Variants in STAT1 observed in about 807,000 individuals in gnomAD.
STAT1 encodes the protein signal transducer and activator of transcription 1-alpha/beta.
A neutral mutation model predicts 111.7 loss-of-function variants in STAT1; 24 were observed. The ratio of observed to expected loss-of-function variants is 0.21; its 90% confidence interval spans 0.16 to 0.30. The LOEUF (loss-of-function observed/expected upper bound fraction) is 0.30. Ranked by LOEUF, STAT1 falls within the 10% of genes least tolerant of loss-of-function variation. STAT1 has a pLI of 1.00. For synonymous variants in STAT1, 332 were observed against 326.5 expected (o/e 1.02, Z -0.18); for missense variants, 351 against 911.9 (o/e 0.38, Z 7.92).
chr2:190,987,127 C>T lies in STAT1; in HGVS notation c.1098-59G>A. 1 of 1,293,916 alleles carries T rather than the reference C, an allele frequency of 7.7e-7. No homozygotes were observed. The highest frequency in any genetic ancestry group is 1.1e-6 in the Non-Finnish European group (1 of 894,702). The allele number at this position is 1,293,916 out of a possible 1,614,324, so 80.2% of individuals were successfully genotyped here. ...ATTTAAAATTTGAAATAAGCTTTAA[C>T]AAAATTATAAGAGTATAAGAGCATA... On this transcript the variant is annotated intron_variant, in intron 12 of 24. Coordinates refer to ENST00000361099, the MANE Select transcript of STAT1 (RefSeq NM_007315.4). The surrounding 1 kb of genome is among the most constrained non-coding windows in gnomAD (Gnocchi z 4.0).
At chr2:190,985,374 C>A (rs139718116) in intron 15 of STAT1, among the ~76,000 whole-genome samples, 26 of 152,242 alleles carry the variant, frequency 1.7e-4, no homozygotes, top group Admixed American at 1.7e-3. Flanking sequence ...AAGCCCACAA[C>A]AGCTACTCCA....
rs1372417290 is a variant in STAT1, at chr2:190,986,242, A to G, written c.1222-582T>C. On this transcript the variant is annotated intron_variant, in intron 14 of 24. Transcript: ENST00000361099. The surrounding 1 kb of genome is among the most constrained non-coding windows in gnomAD (Gnocchi z 5.0). ...AAAAAGGATGCCTTTAACCTCCTGC[A>G]GGTTCTGGGCCCAGGGAAAGCTTCG... Among the ~76,000 whole-genome samples, 3 of 152,192 alleles carry G rather than the reference A, an allele frequency of 2.0e-5. No homozygotes were observed. Among genetic ancestry groups the G allele is most frequent in the Admixed American group, 6.5e-5 (1 of 15,286 alleles).
chr2:191,011,414 G>C (rs967521370), intron 2 of STAT1, among the ~76,000 whole-genome samples: 1 of 151,562 alleles, frequency 6.6e-6, no homozygotes, highest in African/African-American at 2.4e-5. Flanking sequence ...CTATCAACAA[G>C]GTGTGTGTGT....
rs1691958409 is a variant in STAT1 at position 190,977,027 on chromosome 2, T to TA, written c.1874-3dup. 6.2e-7 allele frequency: 1 copy of TA among 1,614,000 alleles called. No homozygotes were observed. ...GTTCAACCGCATGGAAGTCAGGTTC[T>TA]AAAAAGGAGAAAAGCTAAGTAAATC... On this transcript the variant is annotated splice_polypyrimidine_tract_variant and splice_region_variant and intron_variant, in intron 21 of 24. Transcript: ENST00000361099. The surrounding 1 kb of genome is among the most constrained non-coding windows in gnomAD (Gnocchi z 4.7).
chr2:190,992,768 C>A, intron 10 of STAT1: 1 of 672,312 alleles, frequency 1.5e-6, no homozygotes, highest in Middle Eastern at 3.0e-4. Flanking sequence ...TCATGGAACA[C>A]AGTTCTACAT....
At chr2:190,988,634 C>T (rs561567564) in intron 12 of STAT1, among the ~76,000 whole-genome samples, 73 of 152,270 alleles carry the variant, frequency 4.8e-4, no homozygotes, top group African/African-American at 1.8e-3. Context: ...CTGCCTTGGC[C>T]TCCCAAAGTG....
Position 191,000,578 on chromosome 2 carries a change from T to C in STAT1, c.462+496A>G, listed in dbSNP as rs1463404627. Among the ~76,000 whole-genome samples, 1 of 152,228 alleles carries C rather than the reference T, an allele frequency of 6.6e-6. No homozygotes were observed. Among genetic ancestry groups the C allele is most frequent in the Non-Finnish European group, 1.5e-5 (1 of 68,030 alleles). On this transcript the variant is annotated intron_variant, in intron 6 of 24. Coordinates refer to ENST00000361099, the MANE Select transcript of STAT1 (RefSeq NM_007315.4). The surrounding 1 kb of genome is among the most constrained non-coding windows in gnomAD (Gnocchi z 4.8). The stretch of plus-strand genomic sequence containing the variant: ...CATCGAGGACGCCAGAGCAGCCCTC[T>C]GCTTCCATAAATTGACTTGGAAGTT...
At chr2:190,992,528 G>T (rs1693454785) in intron 10 of STAT1, 1 of 312,500 alleles carries the variant, frequency 3.2e-6, no homozygotes, top group Non-Finnish European at 5.7e-6. Context: ...TGTGGATATG[G>T]TAAGAATCTG....
Position 190,987,087 on chromosome 2 carries a change from T to C in STAT1, c.1098-19A>G, listed in dbSNP as rs112684142. The C allele has an allele frequency of 6.5e-5, 102 of 1,571,962 alleles. No individual in the cohort carries two copies. In the African/African-American group the frequency reaches 9.7e-4, roughly 15 times the overall value. ...CACATCTCTGCAAAAAAAATATATATAATCACATATGCGTATTTAAAATTT... is the reference window on the plus strand; with the variant it reads ...CACATCTCTGCAAAAAAAATATATACAATCACATATGCGTATTTAAAATTT... On this transcript the variant is annotated intron_variant, in intron 12 of 24. Transcript: ENST00000361099. The surrounding 1 kb of genome is among the most constrained non-coding windows in gnomAD (Gnocchi z 4.0).
rs45620833 is a variant in STAT1, at chr2:190,973,372, G to C, written c.2238+1458C>G. On this transcript the variant is annotated intron_variant, in intron 24 of 24. Transcript: ENST00000361099. The surrounding 1 kb of genome is among the most constrained non-coding windows in gnomAD (Gnocchi z 4.4). ...GGGCTGTGTGGGGAGGAGGGGCTCTGTTCCCACATCTGTCAAAGTAGGAAT... is the reference window on the plus strand; with the variant it reads ...GGGCTGTGTGGGGAGGAGGGGCTCTCTTCCCACATCTGTCAAAGTAGGAAT... Among the ~76,000 whole-genome samples, 3 of 152,168 alleles carry C rather than the reference G, an allele frequency of 2.0e-5. No individual in the cohort carries two copies. Among genetic ancestry groups the C allele is most frequent in the Non-Finnish European group, 4.4e-5 (3 of 68,042 alleles).
intron 5 of STAT1, among the ~76,000 whole-genome samples, chr2:191,001,737 G>GGA (rs1388221004): frequency 1.3e-5 from 2 of 152,036 alleles, no homozygotes; most frequent in African/African-American, 4.8e-5. Context: ...GACTTGCCTG[G>GGA]GAGTATTCAG....
rs79698112 is a variant in STAT1 at position 190,998,692 on chromosome 2, C to CA, written c.542-385dup. ...AAAAACAAAAAAAACAAAAAAAAAACAAAAAAAACTTGTTTTCAGTGACCC... is the reference window on the plus strand; with the variant it reads ...AAAAACAAAAAAAACAAAAAAAAAACAAAAAAAAACTTGTTTTCAGTGACCC... On this transcript the variant is annotated intron_variant, in intron 7 of 24. Coordinates refer to ENST00000361099, the MANE Select transcript of STAT1 (RefSeq NM_007315.4). The surrounding 1 kb of genome is among the most constrained non-coding windows in gnomAD (Gnocchi z 4.1). Among the ~76,000 whole-genome samples, 21 of 148,290 alleles carry CA rather than the reference C, an allele frequency of 1.4e-4. No individual in the cohort carries two copies. In the South Asian group the frequency reaches 2.8e-3, roughly 20 times the overall value.
chr2:190,984,857 A>C lies in STAT1; in HGVS notation c.1264-464T>G, dbSNP rs1345493962. On this transcript the variant is annotated intron_variant, in intron 15 of 24. Coordinates refer to ENST00000361099, the MANE Select transcript of STAT1 (RefSeq NM_007315.4). The surrounding 1 kb of genome is among the most constrained non-coding windows in gnomAD (Gnocchi z 5.2). Reference sequence around the variant, plus strand: ...GTTTCGGTAGAAATGGATAGATTTCAAAGTGCCTTCATAAGCATTACCTCA... The same window carrying C: ...GTTTCGGTAGAAATGGATAGATTTCCAAGTGCCTTCATAAGCATTACCTCA... Among the ~76,000 whole-genome samples the C allele has an allele frequency of 6.6e-6, 1 of 152,238 alleles. No individual in the cohort carries two copies. The highest frequency in any genetic ancestry group is 1.5e-5 in the Non-Finnish European group (1 of 68,046).
rs41371944 is a variant in STAT1, at chr2:190,980,019, T to C, written c.1633-153A>G. Among the ~76,000 whole-genome samples, 4,146 of 152,252 alleles carry C rather than the reference T, an allele frequency of 0.027. 100 individuals carry two copies. Among genetic ancestry groups the C allele is most frequent in the South Asian group, 0.099 (478 of 4,808 alleles). On this transcript the variant is annotated intron_variant, in intron 19 of 24. Transcript: ENST00000361099. This position sits in a 1 kb window ranked among gnomAD's most constrained non-coding sequence, Gnocchi z 6.1. Reference sequence around the variant, plus strand: ...ATGGGATCCCTCCCCTGGCAGGGAATATCAAGTTCCCTCCCCGCTCTTATC... The same window carrying C: ...ATGGGATCCCTCCCCTGGCAGGGAACATCAAGTTCCCTCCCCGCTCTTATC...
In STAT1 at chr2:190,993,619, G is replaced by A; in HGVS notation, c.944+1442C>T. On this transcript the variant is annotated intron_variant, in intron 10 of 24. Transcript: ENST00000361099. The surrounding 1 kb of genome is among the most constrained non-coding windows in gnomAD (Gnocchi z 4.1). ...GGCCACCCTTGCTGCTACAGCTGCTGCCCTGACTCTCTGCACCACGGGTAA... is the reference window on the plus strand; with the variant it reads ...GGCCACCCTTGCTGCTACAGCTGCTACCCTGACTCTCTGCACCACGGGTAA... 3.5e-6 allele frequency: 2 copies of A among 578,950 alleles called. No individual in the cohort carries two copies. The highest frequency in any genetic ancestry group is 6.7e-6 in the Non-Finnish European group (2 of 296,634). 35.9% of individuals were successfully genotyped at this position (578,950 alleles called of 1,614,324 possible).
rs1380281702 is a variant in STAT1, at chr2:190,981,887, G to C, written c.1582+496C>G. Among the ~76,000 whole-genome samples the C allele has an allele frequency of 1.3e-5, 2 of 152,172 alleles. No individual in the cohort carries two copies. The highest frequency in any genetic ancestry group is 3.8e-4 in the East Asian group (2 of 5,198). ...CACTGTCTAGACTCTGTCCAATCAG[G>C]CAAAACTGCAGATCAAAAGAGGCAT... is the stretch of plus-strand genomic sequence containing the variant. On this transcript the variant is annotated intron_variant, in intron 18 of 24. Coordinates refer to ENST00000361099, the MANE Select transcript of STAT1 (RefSeq NM_007315.4). This position sits in a 1 kb window ranked among gnomAD's most constrained non-coding sequence, Gnocchi z 4.1.
In STAT1 at chr2:190,979,068, TACAA is replaced by T; in HGVS notation, c.1728-71_1728-68del. ...CATGATTTCCATTTTCATGCTAACT[TACAA>T]ACCAAGAAAATGGCTGGAATGTGAG... On this transcript the variant is annotated intron_variant, in intron 20 of 24. Coordinates refer to ENST00000361099, the MANE Select transcript of STAT1 (RefSeq NM_007315.4). This position sits in a 1 kb window ranked among gnomAD's most constrained non-coding sequence, Gnocchi z 5.8. The T allele has an allele frequency of 3.7e-6, 6 of 1,600,160 alleles. No homozygotes were observed. Among genetic ancestry groups the T allele is most frequent in the Non-Finnish European group, 5.1e-6 (6 of 1,170,104 alleles).
chr2:190,975,745 C>T lies in STAT1; in HGVS notation c.2135+67G>A, dbSNP rs890617468. 1.2e-6 allele frequency: 2 copies of T among 1,606,230 alleles called. No homozygotes were observed. The highest frequency in any genetic ancestry group is 2.7e-5 in the African/African-American group (2 of 74,604). On this transcript the variant is annotated intron_variant, in intron 23 of 24. Coordinates refer to ENST00000361099, the MANE Select transcript of STAT1 (RefSeq NM_007315.4). This position sits in a 1 kb window ranked among gnomAD's most constrained non-coding sequence, Gnocchi z 5.9. ...AAAAGTAAAATACAAGCATCTTCAA[C>T]AGGCCCCAGCCAGGAGCAAGGCTGG...
intron 10 of STAT1, chr2:190,992,819 T>A: frequency 2.6e-6 from 1 of 386,554 alleles, no homozygotes; most frequent in Non-Finnish European, 4.3e-6. Context: ...AGACAGAGTC[T>A]TGCTCCGTCT....
Sources: gnomAD v4.1 joint callset for allele counts (sites outside exome capture counted in the v4.1 genomes callset) on GRCh38, gnomAD v4.1.1 for gene constraint, Gnocchi (gnomAD v3.1) non-coding constraint, MANE v1.5 for transcripts, NCBI Gene and HGNC (gene_info 2026-07-23, HGNC 2026-07-21) for gene names.